ABCA9: variants seen among roughly 807,000 people sequenced by gnomAD.
ABCA9 encodes the protein ATP-binding cassette sub-family A member 9.
ABCA9 carries 183 observed loss-of-function variants against 205.3 expected under a neutral mutation model. That is an observed-to-expected ratio of 0.89 (90% CI 0.79 to 1.01). ABCA9 has a LOEUF of 1.01. Ranked by LOEUF, ABCA9 falls within the 50% of genes least tolerant of loss-of-function variation. ABCA9 has a pLI of 0.00. For synonymous variants in ABCA9, 651 were observed against 683.3 expected, an observed-to-expected ratio of 0.95 and a Z score of 0.74; for missense variants, 1,805 against 1,912.4, an observed-to-expected ratio of 0.94 and a Z score of 1.05.
chr17:69,069,420 A>G, the ABCA9 span, among the ~76,000 whole-genome samples: 32 of 152,096 alleles, frequency 2.1e-4, no homozygotes, highest in South Asian at 1.2e-3. Flanking sequence ...GAGGAGGGCA[A>G]AGCCTGTGGG....
chr17:69,046,267 G>C (rs1200412135), intron 3 of ABCA9, among the ~76,000 whole-genome samples: 1 of 152,090 alleles, frequency 6.6e-6, no homozygotes, highest in East Asian at 1.9e-4. Context: ...GACTGTTACT[G>C]ATCTAACCCA....
At chr17:69,022,038 A>C (rs541693930) in intron 17 of ABCA9, 177 bp from the exon 18 acceptor site, 36 of 391,758 alleles carry the variant, frequency 9.2e-5, no homozygotes, top group African/African-American at 6.8e-4. Flanking sequence ...TGTCTTTTTG[A>C]GATCAAAGTC....
At chr17:68,994,965 C>T (rs183947332) in intron 26 of ABCA9, among the ~76,000 whole-genome samples, 2 of 152,268 alleles carry the variant, frequency 1.3e-5, no homozygotes, top group African/African-American at 4.8e-5. Flanking sequence ...TTTGCCACAT[C>T]TCCTAGAAAT....
In ABCA9 at chr17:68,976,208, T is replaced by A. The variant is rs747110393; in HGVS notation, c.4721-18A>T. The A allele has an allele frequency of 6.2e-7, 1 of 1,608,164 alleles. No homozygotes were observed. Among genetic ancestry groups the A allele is most frequent in the Non-Finnish European group, 8.5e-7 (1 of 1,177,412 alleles). On this transcript the variant is annotated intron_variant, in intron 37 of 38. Coordinates refer to ENST00000340001, the MANE Select transcript of ABCA9 (RefSeq NM_080283.4). ...CTGTTTAACTGCATAAGAATGAGCA[T>A]ACATTAGGAATTCTATTTTTTTTTT...
At chr17:69,035,524 T>C (rs1467695130) in intron 7 of ABCA9, 93 bp from the exon 8 acceptor site, 2 of 1,374,266 alleles carry the variant, frequency 1.5e-6, no homozygotes, top group African/African-American at 3.0e-5. Context: ...TATTTTATAT[T>C]TTTCCACCCC....
At chr17:69,030,131 A>G (rs1219560683) in intron 10 of ABCA9, among the ~76,000 whole-genome samples, 2 of 152,234 alleles carry the variant, frequency 1.3e-5, no homozygotes, top group Non-Finnish European at 2.9e-5. Flanking sequence ...TTTTACTTAC[A>G]TTATCACAAC....
chr17:69,032,023 C>A lies in ABCA9; in HGVS notation c.1445+85G>T, dbSNP rs755009339. 34 of 1,352,716 alleles carry A rather than the reference C, an allele frequency of 2.5e-5. No homozygotes were observed. The African/African-American group carries it at 3.7e-4, about 15-fold the overall frequency. 83.8% of individuals were successfully genotyped at this position (1,352,716 alleles called of 1,614,324 possible). Reference sequence around the variant, plus strand: ...AGGTGGGTACAGAGGGCACAGAAGGCGATCTTTGCTCCTAGTGTGTCACCT... The same window carrying A: ...AGGTGGGTACAGAGGGCACAGAAGGAGATCTTTGCTCCTAGTGTGTCACCT... On this transcript the variant is annotated intron_variant, in intron 10 of 38. Coordinates refer to ENST00000340001, the MANE Select transcript of ABCA9 (RefSeq NM_080283.4).
In ABCA9 at chr17:69,035,351, A is replaced by C. The variant is rs2071298047; in HGVS notation, c.1023T>G (p.Phe341Leu). The stretch of plus-strand genomic sequence containing the variant: ...ATGCTGGGAATCCCAGGATCCCCCA[A>C]AAGACAATAAGGAGAAACACAACCA... ...TGLVVFLLIV[F>L]WGILGFPALY... Residue 341 changes from phenylalanine (F) to leucine (L), a missense_variant, in exon 8 of 39, where the codon TTT (phenylalanine) becomes TTG (leucine). Physicochemically the swap from Phe to Leu is conservative, Grantham distance 22. Transcript: ENST00000340001. The C allele has an allele frequency of 1.2e-5, 19 of 1,610,636 alleles. No homozygotes were observed. The highest frequency in any genetic ancestry group is 1.6e-5 in the Non-Finnish European group (19 of 1,178,114).
At chr17:69,000,094 G>A in intron 25 of ABCA9, among the ~76,000 whole-genome samples, 1 of 151,014 alleles carries the variant, frequency 6.6e-6, no homozygotes, top group Admixed American at 6.6e-5. Flanking sequence ...CACTCTGATG[G>A]TAGTTTCTTT....
chr17:68,987,758 G>GTTTTTTTT (rs72302464), intron 31 of ABCA9, among the ~76,000 whole-genome samples: 2 of 95,410 alleles, frequency 2.1e-5, no homozygotes, highest in African/African-American at 3.2e-5. Flanking sequence ...TTGTTTGTTT[G>GTTTTTTTT]TTTGTTTGTT....
At chr17:69,007,643 G>T (rs934637694) in intron 25 of ABCA9, 116 bp downstream of exon 25, 10 of 651,918 alleles carry the variant, frequency 1.5e-5, no homozygotes, top group Non-Finnish European at 2.7e-5. Flanking sequence ...TATCTTAGAA[G>T]AATTAAAATT....
chr17:69,076,024 A>G, the ABCA9 span, among the ~76,000 whole-genome samples: 8 of 152,132 alleles, frequency 5.3e-5, no homozygotes, highest in East Asian at 1.2e-3. Flanking sequence ...CTTTTCTTGC[A>G]TCATTGCTCT....
At chr17:69,021,048 A>C in intron 18 of ABCA9, among the ~76,000 whole-genome samples, 1 of 152,178 alleles carries the variant, frequency 6.6e-6, no homozygotes, top group East Asian at 1.9e-4. Flanking sequence ...TTTGAGGTGA[A>C]GCCTAGAGAA....
At chr17:69,050,961 G>A (rs1421457680) in intron 2 of ABCA9, 70 bp downstream of exon 2, 1 of 1,386,104 alleles carries the variant, frequency 7.2e-7, no homozygotes, top group Non-Finnish European at 1.0e-6. Flanking sequence ...TGAAAATAAA[G>A]TGTTTATGTT....
intron 19 of ABCA9, chr17:69,019,763 T>C (rs2070753201): frequency 6.6e-6 from 1 of 152,222 alleles, no homozygotes; most frequent in Admixed American, 6.6e-5. Flanking sequence ...AACCTTATAG[T>C]GGGTTCCAGA....
In ABCA9 at chr17:69,000,929, G is replaced by A. The variant is rs1279244202; in HGVS notation, c.3436-4915C>T. ...TCATGATTTGGCTCTCTGTTTGTCT[G>A]TTGTTGTATAGGAATGCTTGTGATT... is the stretch of plus-strand genomic sequence containing the variant. On this transcript the variant is annotated intron_variant, in intron 25 of 38. Coordinates refer to ENST00000340001, the MANE Select transcript of ABCA9 (RefSeq NM_080283.4). Among the ~76,000 whole-genome samples, 5 of 137,318 alleles carry A rather than the reference G, an allele frequency of 3.6e-5. No homozygotes were observed. The East Asian group carries it at 9.7e-4, about 27-fold the overall frequency. The allele number at this position is 137,318 out of a possible 152,430, so 90.1% of individuals were successfully genotyped here. A position where few individuals can be genotyped will look rare whatever the true frequency, so the allele number is the denominator to read the frequency against.
intron 4 of ABCA9, 142 bp from the exon 5 acceptor site, chr17:69,044,742 CA>C (rs2071655122): frequency 1.6e-6 from 1 of 635,842 alleles, no homozygotes; most frequent in African/African-American, 1.8e-5. Flanking sequence ...TTGCAGAGCA[CA>C]CCCAAACGGA....
chr17:69,075,933 C>T, the ABCA9 span, among the ~76,000 whole-genome samples: 1 of 152,078 alleles, frequency 6.6e-6, no homozygotes, highest in African/African-American at 2.4e-5. Flanking sequence ...AGAGATCTTT[C>T]ACCTCCTTGG....
At chr17:69,052,416 A>C (rs185111917) in intron 1 of ABCA9, among the ~76,000 whole-genome samples, 222 of 152,248 alleles carry the variant, frequency 1.5e-3, no homozygotes, top group African/African-American at 5.2e-3. Context: ...TAGAAGGTAA[A>C]AAAGAAAAAA....
Sources: allele counts gnomAD v4.1 joint callset (sites outside exome capture counted in the v4.1 genomes callset), GRCh38; gene constraint gnomAD v4.1.1; transcripts MANE v1.5; gene names NCBI Gene and HGNC (gene_info 2026-07-23, HGNC 2026-07-21).